EHMT1: variants seen among roughly 807,000 people sequenced by gnomAD.
EHMT1 encodes euchromatic histone lysine methyltransferase 1, also known as histone-lysine N-methyltransferase EHMT1.
A neutral mutation model predicts 147.2 loss-of-function variants in EHMT1; 15 were observed. The ratio of observed to expected loss-of-function variants is 0.10; its 90% CI spans 0.07 to 0.16. The LOEUF is 0.16. Ranked by LOEUF, EHMT1 falls within the 10% of genes least tolerant of loss-of-function variation. EHMT1 has a pLI of 1.00. For synonymous variants in EHMT1, 795 were observed against 709.6 expected (o/e 1.12, Z -1.91); for missense variants, 1,587 against 1,772.4 (o/e 0.90, Z 1.88).
At chr9:137,825,119 A>C (rs369669121) in intron 25 of EHMT1, among the ~76,000 whole-genome samples, 4 of 152,130 alleles carry the variant, frequency 2.6e-5, no homozygotes, top group Non-Finnish European at 4.4e-5. Context: ...CTGGCTGGCA[A>C]CCGGGGGTGC....
intron 1 of EHMT1, among the ~76,000 whole-genome samples, chr9:137,654,120 G>A (rs375258954): frequency 6.6e-6 from 1 of 152,146 alleles, no homozygotes; most frequent in Non-Finnish European, 1.5e-5. Context: ...GGTGGCTCAC[G>A]CCTGTAATCC....
At chr9:137,788,979 C>G (rs887381742) in intron 15 of EHMT1, 8 of 152,592 alleles carry the variant, frequency 5.2e-5, no homozygotes, top group African/African-American at 1.9e-4. Context: ...AATGCCGCCG[C>G]GCGGGTGTCG....
At chr9:137,743,109 A>G in intron 4 of EHMT1, 1 of 446,818 alleles carries the variant, frequency 2.2e-6, no homozygotes, top group Non-Finnish European at 4.1e-6. Context: ...AGGTGGGGTG[A>G]TAATGTTTGC....
intron 4 of EHMT1, among the ~76,000 whole-genome samples, chr9:137,729,362 G>A (rs1255103763): frequency 6.6e-6 from 1 of 152,216 alleles, no homozygotes; most frequent in Non-Finnish European, 1.5e-5. Flanking sequence ...GCCAAGGCGG[G>A]TGGATCACGA....
chr9:137,819,840 G>A (rs1955262261), intron 25 of EHMT1, among the ~76,000 whole-genome samples: 1 of 152,094 alleles, frequency 6.6e-6, no homozygotes, highest in Non-Finnish European at 1.5e-5. Context: ...GAGAGCAGGG[G>A]CCACTCCGGG....
chr9:137,798,981 G>C (rs1287703841), intron 17 of EHMT1, 67 bp downstream of exon 17: 1 of 1,323,918 alleles, frequency 7.6e-7, no homozygotes, highest in African/African-American at 1.5e-5. Context: ...CTGTTCTGCA[G>C]CTCCTGGTCC....
intron 25 of EHMT1, among the ~76,000 whole-genome samples, chr9:137,832,159 C>T (rs1242972164): frequency 6.7e-6 from 1 of 149,848 alleles, no homozygotes; most frequent in Non-Finnish European, 1.5e-5. Flanking sequence ...GCCCCTGTGC[C>T]TTCCCTCCAG....
In EHMT1 at chr9:137,645,852, C is replaced by T. The variant is rs78371731; in HGVS notation, c.21+26803C>T. ...CACACTAGATTTCAGAGGCTTAGTA[C>T]GATAGTTCACACTCTTTTGGTACTA... On this transcript the variant is annotated intron_variant, in intron 1 of 26. Coordinates refer to ENST00000460843, the MANE Select transcript of EHMT1 (RefSeq NM_024757.5). Among the ~76,000 whole-genome samples the T allele has an allele frequency of 4.5e-3, 679 of 151,952 alleles. 6 individuals carry two copies. Among genetic ancestry groups the T allele is most frequent in the Non-Finnish European group, 7.6e-3 (520 of 67,992 alleles).
At chr9:137,662,711 G>A (rs1198440782) in intron 1 of EHMT1, among the ~76,000 whole-genome samples, 3 of 152,060 alleles carry the variant, frequency 2.0e-5, no homozygotes, top group African/African-American at 7.2e-5. Flanking sequence ...GTGTTGGCCC[G>A]GCTGGTCTCG....
At chr9:137,710,279 C>G (rs575684992) in intron 1 of EHMT1, among the ~76,000 whole-genome samples, 3 of 152,266 alleles carry the variant, frequency 2.0e-5, no homozygotes, top group Non-Finnish European at 4.4e-5. Flanking sequence ...TGAGACCAGC[C>G]TGGCCAACAT....
Position 137,787,818 on chromosome 9 carries a change from A to AC in EHMT1, c.2383-3024dup, listed in dbSNP as rs1952111321. On this transcript the variant is annotated intron_variant, in intron 15 of 26. Coordinates refer to ENST00000460843, the MANE Select transcript of EHMT1 (RefSeq NM_024757.5). This position sits in a 1 kb window ranked among gnomAD's most constrained non-coding sequence, Gnocchi z 4.2. ...TGGGGGCCCTCAGGTTTCAGGGGCC[A>AC]CCCCCCAGTAGGCAGAGCTGGTTGA... 1.1e-6 allele frequency: 1 copy of AC among 928,288 alleles called. No individual in the cohort carries two copies. The allele number at this position is 928,288 out of a possible 1,614,324, so 57.5% of individuals were successfully genotyped here.
At chr9:137,657,981 C>G (rs956480564) in intron 1 of EHMT1, among the ~76,000 whole-genome samples, 3 of 152,044 alleles carry the variant, frequency 2.0e-5, no homozygotes, top group Non-Finnish European at 4.4e-5. Context: ...GTTTGTCTTT[C>G]TGTGCCCAGC....
chr9:137,697,358 G>A (rs776123966), intron 1 of EHMT1, among the ~76,000 whole-genome samples: 3 of 152,188 alleles, frequency 2.0e-5, no homozygotes, highest in Non-Finnish European at 4.4e-5. Flanking sequence ...GTTTCTGTGG[G>A]GGTCTCTGGT....
intron 14 of EHMT1, among the ~76,000 whole-genome samples, chr9:137,781,854 C>A (rs1951580326): frequency 1.3e-5 from 2 of 152,202 alleles, no homozygotes; most frequent in African/African-American, 2.4e-5. Flanking sequence ...GTGAAGGTCA[C>A]CTCACTGCTC....
intron 18 of EHMT1, among the ~76,000 whole-genome samples, chr9:137,801,521 C>T (rs1953485425): frequency 6.6e-6 from 1 of 150,970 alleles, no homozygotes; most frequent in Non-Finnish European, 1.5e-5. Flanking sequence ...GTTTCTGAGA[C>T]AGAGTCTCGC....
At chr9:137,777,320 A>G (rs1319000185) in intron 12 of EHMT1, 2 of 191,168 alleles carry the variant, frequency 1.0e-5, no homozygotes, top group African/African-American at 2.4e-5. Flanking sequence ...TTAGAGCTCA[A>G]AAGAGTCAGT....
chr9:137,821,810 C>A (rs1346246307), intron 25 of EHMT1, among the ~76,000 whole-genome samples: 1 of 151,984 alleles, frequency 6.6e-6, no homozygotes, highest in Non-Finnish European at 1.5e-5. Context: ...CATGGTATAT[C>A]TCTTCATTTG....
chr9:137,631,195 C>T (rs1843604318), intron 1 of EHMT1, among the ~76,000 whole-genome samples: 1 of 151,938 alleles, frequency 6.6e-6, no homozygotes, highest in Non-Finnish European at 1.5e-5. Flanking sequence ...TCAAGAGCAG[C>T]CTGGCCAACA....
rs1951607642 is a variant in EHMT1 at position 137,782,144 on chromosome 9, G to A, written c.2276-147G>A. ...ACTCAAGTCTCAAGTCCAGAGGATG[G>A]TGCTGTGGGCGGGTTCCGGCGTGGC... is the stretch of plus-strand genomic sequence containing the variant. On this transcript the variant is annotated intron_variant, in intron 14 of 26. Coordinates refer to ENST00000460843, the MANE Select transcript of EHMT1 (RefSeq NM_024757.5). The surrounding 1 kb of genome is among the most constrained non-coding windows in gnomAD (Gnocchi z 5.7). 1.4e-6 allele frequency: 1 copy of A among 707,488 alleles called. No homozygotes were observed. Among genetic ancestry groups the A allele is most frequent in the Non-Finnish European group, 2.5e-6 (1 of 396,374 alleles). The allele number at this position is 707,488 out of a possible 1,614,324, so 43.8% of individuals were successfully genotyped here.
Sources: gnomAD v4.1 joint callset for allele counts (sites outside exome capture counted in the v4.1 genomes callset) on GRCh38, gnomAD v4.1.1 for gene constraint, Gnocchi (gnomAD v3.1) non-coding constraint, MANE v1.5 for transcripts, NCBI Gene and HGNC (gene_info 2026-07-23, HGNC 2026-07-21) for gene names.